JAZF1: variants seen among roughly 807,000 people sequenced by gnomAD.
The protein encoded by JAZF1 is JAZF zinc finger 1, also known as juxtaposed with another zinc finger protein 1.
JAZF1 carries 8 observed loss-of-function variants against 26.4 expected under a neutral mutation model. That is an observed-to-expected ratio of 0.30 (90% CI 0.18 to 0.55). The LOEUF is 0.55. Ranked by LOEUF, JAZF1 falls within the 20% of genes least tolerant of loss-of-function variation. The pLI, the probability that JAZF1 is intolerant of heterozygous loss-of-function variation, is 0.94. For synonymous variants in JAZF1, 126 were observed against 122.3 expected, an observed-to-expected ratio of 1.03 and a Z score of -0.20; for missense variants, 199 against 322.0, an observed-to-expected ratio of 0.62 and a Z score of 2.92.
At chr7:28,061,578 G>A (rs1273239809) in intron 1 of JAZF1, among the ~76,000 whole-genome samples, 1 of 152,148 alleles carries the variant, frequency 6.6e-6, no homozygotes, top group South Asian at 2.1e-4. Context: ...TTCAGCTGTT[G>A]CCATCAAGTG....
At chr7:27,927,882 A>G (rs1222446384) in intron 2 of JAZF1, among the ~76,000 whole-genome samples, 1 of 152,200 alleles carries the variant, frequency 6.6e-6, no homozygotes, top group African/African-American at 2.4e-5. Context: ...TCTTCCCCAA[A>G]TCAATTTTCA....
rs1782732670 is a variant in JAZF1 at position 27,832,811 on chromosome 7, T to C, written c.721A>G (p.Met241Val). The C allele has an allele frequency of 3.1e-6, 5 of 1,591,352 alleles. No individual in the cohort carries two copies. The highest frequency in any genetic ancestry group is 3.4e-6 in the Non-Finnish European group (4 of 1,166,892). ...TTATGACCAGCATGTTATTGCTGCATCTTCCTGATAATCTCAGCCGACACC... is the reference window on the plus strand; with the variant it reads ...TTATGACCAGCATGTTATTGCTGCACCTTCCTGATAATCTCAGCCGACACC... ...PPVSAEIIRK[M>V]QQ The change falls in exon 5 of 5, where the codon ATG becomes GTG. Residue 241 changes from methionine to valine, a missense_variant. Met to Val is a conservative substitution (Grantham distance 21). Around this residue, in one of 2 missense-constraint regions of JAZF1, gnomAD observed 62 missense variants for 137.2 expected, o/e 0.45. Coordinates refer to ENST00000283928, the MANE Select transcript of JAZF1 (RefSeq NM_175061.4).
At chr7:28,076,735 G>A (rs574901751) in intron 1 of JAZF1, among the ~76,000 whole-genome samples, 29 of 148,606 alleles carry the variant, frequency 2.0e-4, no homozygotes, top group African/African-American at 3.2e-4. Context: ...AAAAAATCCC[G>A]TGTGGAAATG....
intron 1 of JAZF1, among the ~76,000 whole-genome samples, chr7:28,096,739 A>T (rs1475815186): frequency 6.6e-6 from 1 of 152,170 alleles, no homozygotes; most frequent in Non-Finnish European, 1.5e-5. Context: ...AAATAAAGTA[A>T]TGGGAACATT....
intron 2 of JAZF1, among the ~76,000 whole-genome samples, chr7:27,903,074 G>A (rs1482520262): frequency 1.4e-5 from 2 of 145,654 alleles, no homozygotes; most frequent in East Asian, 2.1e-4. Context: ...ATCTTAACTC[G>A]CAAACCTTTC....
chr7:28,114,976 G>A (rs1173570104), intron 1 of JAZF1, among the ~76,000 whole-genome samples: 1 of 152,156 alleles, frequency 6.6e-6, no homozygotes, highest in Non-Finnish European at 1.5e-5. Context: ...GAGAAGCAGC[G>A]TTTGTATGTG....
intron 4 of JAZF1, among the ~76,000 whole-genome samples, chr7:27,835,356 C>CA (rs1782785566): frequency 6.6e-6 from 1 of 152,144 alleles, no homozygotes; most frequent in African/African-American, 2.4e-5. Flanking sequence ...AATGTGAAGC[C>CA]AGATCTGTCG....
chr7:27,866,710 T>C (rs1783479832), intron 3 of JAZF1, among the ~76,000 whole-genome samples: 1 of 152,242 alleles, frequency 6.6e-6, no homozygotes, highest in Admixed American at 6.5e-5. Context: ...TGGACTAAAA[T>C]GTCTAAAATG....
At chr7:27,839,541 C>T (rs17155915) in intron 4 of JAZF1, among the ~76,000 whole-genome samples, 3,217 of 152,320 alleles carry the variant, frequency 0.021, 119 homozygotes, top group African/African-American at 0.072. Context: ...TGTACAGATG[C>T]GTCCTGAGAC....
chr7:27,871,318 G>T (rs1040215594), intron 3 of JAZF1, among the ~76,000 whole-genome samples: 3 of 152,166 alleles, frequency 2.0e-5, no homozygotes, highest in African/African-American at 4.8e-5. Context: ...GTAAGGAGAT[G>T]ATCACAATCT....
At chr7:27,959,458 A>G (rs1017130781) in intron 2 of JAZF1, among the ~76,000 whole-genome samples, 2 of 152,242 alleles carry the variant, frequency 1.3e-5, no homozygotes, top group African/African-American at 4.8e-5. Flanking sequence ...CCTGTGACAT[A>G]CTTTACACTG....
intron 3 of JAZF1, among the ~76,000 whole-genome samples, chr7:27,878,063 G>C (rs112765487): frequency 2.6e-5 from 4 of 152,176 alleles, no homozygotes; most frequent in African/African-American, 9.7e-5. Context: ...AAGTGTTCCA[G>C]GGTCTGCAGG....
chr7:28,102,999 G>A (rs1256534349), intron 1 of JAZF1, among the ~76,000 whole-genome samples: 2 of 152,156 alleles, frequency 1.3e-5, no homozygotes, highest in Non-Finnish European at 2.9e-5. Context: ...CCCTCGGTGA[G>A]TCACTCATCT....
intron 2 of JAZF1, among the ~76,000 whole-genome samples, chr7:27,942,262 C>T (rs776233447): frequency 3.3e-5 from 5 of 152,268 alleles, no homozygotes; most frequent in Admixed American, 1.3e-4. Flanking sequence ...AGCCTTCCTC[C>T]TTCACCCCTG....
At chr7:27,854,705 C>A (rs1209113413) in intron 3 of JAZF1, among the ~76,000 whole-genome samples, 1 of 152,212 alleles carries the variant, frequency 6.6e-6, no homozygotes, top group Non-Finnish European at 1.5e-5. Context: ...CCCCCACTCT[C>A]TTCTGGCTTG....
intron 1 of JAZF1, among the ~76,000 whole-genome samples, chr7:28,105,246 C>T (rs1784532951): frequency 6.6e-6 from 1 of 152,144 alleles, no homozygotes; most frequent in Non-Finnish European, 1.5e-5. Flanking sequence ...ACCCATATTC[C>T]ATCTTGGTTA....
intron 2 of JAZF1, among the ~76,000 whole-genome samples, chr7:27,931,913 G>A (rs1053513250): frequency 6.6e-5 from 10 of 151,660 alleles, no homozygotes; most frequent in African/African-American, 2.2e-4. Context: ...ACCCTGTCTC[G>A]AAAAAATAAA....
chr7:27,981,432 T>C (rs540379217), intron 2 of JAZF1, among the ~76,000 whole-genome samples: 1 of 152,330 alleles, frequency 6.6e-6, no homozygotes, highest in African/African-American at 2.4e-5. Context: ...TGACCAGCTA[T>C]AAAGAACATG....
intron 1 of JAZF1, among the ~76,000 whole-genome samples, chr7:28,122,627 C>T (rs191891089): frequency 1.3e-5 from 2 of 152,240 alleles, no homozygotes; most frequent in Admixed American, 1.3e-4. Flanking sequence ...ATGCGGCCTG[C>T]CTTCCATCAA....
Sources: gnomAD v4.1 joint callset for allele counts (sites outside exome capture counted in the v4.1 genomes callset) on GRCh38, gnomAD v4.1.1 for gene constraint, gnomAD v4.1.1 regional missense constraint, MANE v1.5 for transcripts, NCBI Gene and HGNC (gene_info 2026-07-23, HGNC 2026-07-21) for gene names.